CDV3: variants seen among roughly 807,000 people sequenced by gnomAD.
The protein encoded by CDV3 is CDV3 homolog.
CDV3 carries 14 observed loss-of-function variants against 24.5 expected under a neutral mutation model. The ratio of observed to expected loss-of-function variants is 0.57; its 90% CI spans 0.38 to 0.89. The LOEUF (loss-of-function observed/expected upper bound fraction) is 0.89. CDV3 is among the 40% of genes least tolerant of loss of function. The pLI is 0.00. For missense variants in CDV3, 304 were observed against 310.2 expected (o/e 0.98, Z 0.15); for synonymous variants, 114 against 114.1 (o/e 1.00, Z 0.00).
In CDV3 at chr3:133,574,588, A is replaced by G. The variant is rs371446104; in HGVS notation, c.240+304A>G. The G allele has an allele frequency of 3.7e-5, 37 of 992,282 alleles. 2 individuals are homozygous for G. The highest frequency in any genetic ancestry group is 1.7e-4 in the African/African-American group (10 of 57,430). The allele number at this position is 992,282 out of a possible 1,614,324, so 61.5% of individuals were successfully genotyped here. On this transcript the variant is annotated intron_variant, in intron 1 of 4. Transcript: ENST00000264993. ...CAGTGCCCAGCACAGAGCAGCGTTTATCGGGTGACGTCTAGGCTGAGTAAT... is the reference window on the plus strand; with the variant it reads ...CAGTGCCCAGCACAGAGCAGCGTTTGTCGGGTGACGTCTAGGCTGAGTAAT...
intron 4 of CDV3, chr3:133,587,442 C>A: frequency 8.6e-7 from 1 of 1,157,776 alleles, no homozygotes; most frequent in Non-Finnish European, 1.1e-6. Context: ...TCACCACACT[C>A]GAGTTTCTTT....
chr3:133,574,024 CG>C lies in CDV3; in HGVS notation c.-18del. On this transcript the variant is annotated 5_prime_UTR_variant, in exon 1 of 5. Coordinates refer to ENST00000264993, the MANE Select transcript of CDV3 (RefSeq NM_017548.5). The stretch of plus-strand genomic sequence containing the variant: ...GCGCCCGCCGCCGGCCCCACCCATC[CG>C]GGTCGAGGAGGCCGAGGCCATGGCT... 1 of 1,103,010 alleles carries C rather than the reference CG, an allele frequency of 9.1e-7. No homozygotes were observed. The allele number at this position is 1,103,010 out of a possible 1,614,324, so 68.3% of individuals were successfully genotyped here.
intron 2 of CDV3, among the ~76,000 whole-genome samples, chr3:133,577,345 T>A (rs2074853626): frequency 6.7e-6 from 1 of 148,218 alleles, no homozygotes; most frequent in African/African-American, 2.6e-5. Context: ...GCTGCAGATG[T>A]CACATTCAGT....
chr3:133,580,849 A>G (rs185712079), intron 2 of CDV3, among the ~76,000 whole-genome samples: 3 of 152,346 alleles, frequency 2.0e-5, no homozygotes, highest in African/African-American at 4.8e-5. Context: ...CAAGAATCCA[A>G]AATACTAAAT....
chr3:133,584,880 G>T (rs1438604469), intron 3 of CDV3, among the ~76,000 whole-genome samples: 3 of 152,070 alleles, frequency 2.0e-5, no homozygotes, highest in Non-Finnish European at 4.4e-5. Flanking sequence ...TTCATGGAGT[G>T]GGGGGCAGTT....
At chr3:133,581,890 C>T (rs904091205) in intron 2 of CDV3, among the ~76,000 whole-genome samples, 4 of 152,306 alleles carry the variant, frequency 2.6e-5, no homozygotes, top group Non-Finnish European at 4.4e-5. Context: ...ATAGAATTCT[C>T]TTACATGTTA....
rs1228665606 is a variant in CDV3, at chr3:133,582,241, C to T, written c.318-1761C>T. ...GCACAGTCTTGGCCCACTACAACCTCTGCCTCCCAGGTTCACCTGATTCTC... is the reference window on the plus strand; with the variant it reads ...GCACAGTCTTGGCCCACTACAACCTTTGCCTCCCAGGTTCACCTGATTCTC... On this transcript the variant is annotated intron_variant, in intron 2 of 4. Transcript: ENST00000264993. 2.6e-5 allele frequency among the ~76,000 whole-genome samples: 4 copies of T among 152,334 alleles called. No homozygotes were observed. In the East Asian group the frequency reaches 5.8e-4, roughly 22 times the overall value.
intron 2 of CDV3, among the ~76,000 whole-genome samples, chr3:133,576,323 G>T (rs1293727276): frequency 6.6e-6 from 1 of 151,690 alleles, no homozygotes; most frequent in African/African-American, 2.4e-5. Context: ...CCACTTGTTG[G>T]CTTCCTTAAT....
At position 133,587,898 on chromosome 3, in the gene CDV3, AT is replaced by A; in HGVS notation, c.630del (p.Asp210GlufsTer10). On this transcript the variant is annotated frameshift_variant, in exon 5 of 5. Coordinates refer to ENST00000264993, the MANE Select transcript of CDV3 (RefSeq NM_017548.5). LOFTEE classifies it high-confidence loss of function. Reference sequence around the variant, plus strand: ...TGATTACATTTCTTTTCCCTTAGGGATAAAGAAATGGAGAAGAGCTTTGAAG... The same window carrying A: ...TGATTACATTTCTTTTCCCTTAGGGAAAAGAAATGGAGAAGAGCTTTGAAG... ...STAKHVESRK[D>X]KEMEKSFEVV... 1.9e-6 allele frequency: 3 copies of A among 1,603,570 alleles called. No homozygotes were observed. Among genetic ancestry groups the A allele is most frequent in the Non-Finnish European group, 2.6e-6 (3 of 1,175,554 alleles).
intron 3 of CDV3, among the ~76,000 whole-genome samples, chr3:133,584,436 A>C (rs929904963): frequency 6.6e-6 from 1 of 152,194 alleles, no homozygotes; most frequent in Non-Finnish European, 1.5e-5. Context: ...CATTTCTTCT[A>C]ATATTCTCGT....
At chr3:133,574,333 C>T (rs1033001303) in intron 1 of CDV3, 49 bp downstream of exon 1, 8 of 913,048 alleles carry the variant, frequency 8.8e-6, no homozygotes, top group Non-Finnish European at 1.0e-5. Context: ...CGCGCCGGCG[C>T]CCCATGTGCC....
At position 133,574,115 on chromosome 3, in the gene CDV3, G is replaced by T; in HGVS notation, c.71G>T (p.Arg24Leu). The change falls in exon 1 of 5, where the codon CGG (arginine) becomes CTG (leucine). Residue 24 changes from arginine (R) to leucine (L), a missense_variant. Physicochemically the swap from Arg to Leu is moderately radical, Grantham distance 102. Around this residue, in one of 3 missense-constraint regions of CDV3, gnomAD observed 219 missense variants for 203.6 expected, o/e 1.08. Coordinates refer to ENST00000264993, the MANE Select transcript of CDV3 (RefSeq NM_017548.5). ...AKRDKKKKKE[R>L]SNRAASAAGA... ...AGGGACAAGAAGAAGAAGAAGGAGC[G>T]GAGCAACCGGGCGGCGAGTGCCGCG... The T allele has an allele frequency of 1.7e-6, 2 of 1,208,720 alleles. No individual in the cohort carries two copies. The highest frequency in any genetic ancestry group is 2.8e-5 in the Admixed American group (1 of 35,876). 74.9% of individuals were successfully genotyped at this position (1,208,720 alleles called of 1,614,324 possible). A position where few individuals can be genotyped will look rare whatever the true frequency, so the allele number is the denominator to read the frequency against.
intron 2 of CDV3, among the ~76,000 whole-genome samples, chr3:133,577,361 T>A (rs1242310505): frequency 7.9e-6 from 1 of 126,318 alleles, no homozygotes; most frequent in Non-Finnish European, 1.5e-5. Flanking sequence ...TCAGTCTTTT[T>A]TTCTTTTTTT....
chr3:133,579,663 G>A (rs781483360), intron 2 of CDV3, among the ~76,000 whole-genome samples: 7 of 151,782 alleles, frequency 4.6e-5, no homozygotes, highest in African/African-American at 1.2e-4. Context: ...CGCAATCTCC[G>A]CTCACTGCAA....
chr3:133,574,399 G>A, intron 1 of CDV3, 115 bp downstream of exon 1: 1 of 956,532 alleles, frequency 1.0e-6, no homozygotes, highest in Non-Finnish European at 1.2e-6. Context: ...GGGCGGACGG[G>A]CGCGGGCCGC....
chr3:133,587,107 G>T, intron 4 of CDV3: 1 of 945,494 alleles, frequency 1.1e-6, no homozygotes, highest in South Asian at 2.5e-5. Context: ...TGTGACTATA[G>T]ACAGAAGATG....
chr3:133,575,960 A>G (rs1330703702), intron 2 of CDV3, among the ~76,000 whole-genome samples: 1 of 152,252 alleles, frequency 6.6e-6, no homozygotes, highest in Non-Finnish European at 1.5e-5. Context: ...GGATCTTGAT[A>G]AACTGTCTCC....
chr3:133,589,993 A>G lies in CDV3; in HGVS notation c.*1947A>G, dbSNP rs1933956801. The G allele has an allele frequency of 6.6e-6, 1 of 152,270 alleles. No homozygotes were observed. The highest frequency in any genetic ancestry group is 6.5e-5 in the Admixed American group (1 of 15,288). 9.4% of individuals were successfully genotyped at this position (152,270 alleles called of 1,614,324 possible). A position where few individuals can be genotyped will look rare whatever the true frequency, so the allele number is the denominator to read the frequency against. ...ATTTTGTTGGGGGTTATGTTACTGA[A>G]GAATGAACAGATGAGTAAGTGGAGG... On this transcript the variant is annotated 3_prime_UTR_variant, in exon 5 of 5. Transcript: ENST00000264993.
intron 3 of CDV3, among the ~76,000 whole-genome samples, chr3:133,585,394 CAG>C (rs1328205516): frequency 8.5e-5 from 13 of 152,236 alleles, no homozygotes; most frequent in African/African-American, 3.1e-4. Flanking sequence ...TTGTTTGAGA[CAG>C]AGTCTGGCTC....
Sources: allele counts gnomAD v4.1 joint callset (sites outside exome capture counted in the v4.1 genomes callset), GRCh38; gene constraint gnomAD v4.1.1; regional missense constraint gnomAD v4.1.1; transcripts MANE v1.5; gene names NCBI Gene and HGNC (gene_info 2026-07-23, HGNC 2026-07-21).